The following ITGA9 variants were observed in gnomAD, a reference collection of about 807,000 sequenced individuals.
The protein encoded by ITGA9 is integrin subunit alpha 9.
ITGA9 carries 56 observed loss-of-function variants against 127.8 expected under a neutral mutation model. The ratio of observed to expected loss-of-function variants is 0.44; its 90% CI spans 0.35 to 0.55. ITGA9 has a LOEUF of 0.55. Among genes scored for constraint, ITGA9 ranks in the 20% least tolerant of loss-of-function variants. The pLI, the probability that ITGA9 is intolerant of heterozygous loss-of-function variation, is 0.00. For missense variants in ITGA9, 1,196 were observed against 1,347.1 expected (o/e 0.89, Z 1.76); for synonymous variants, 508 against 514.5 (o/e 0.99, Z 0.17).
chr3:37,719,409 AG>A (rs1231021000), intron 18 of ITGA9, among the ~76,000 whole-genome samples: 1 of 152,136 alleles, frequency 6.6e-6, no homozygotes, highest in East Asian at 1.9e-4. Context: ...AGGTCCTCTC[AG>A]GCCCCATCCC....
At chr3:37,460,587 C>CTT (rs10711884) in intron 1 of ITGA9, among the ~76,000 whole-genome samples, 62 of 110,824 alleles carry the variant, frequency 5.6e-4, no homozygotes, top group Non-Finnish European at 8.0e-4. Flanking sequence ...GTGCCCAAAT[C>CTT]TTTTTTTTTT....
At chr3:37,540,680 T>C (rs1008782736) in intron 14 of ITGA9, among the ~76,000 whole-genome samples, 1 of 152,180 alleles carries the variant, frequency 6.6e-6, no homozygotes, top group Non-Finnish European at 1.5e-5. Context: ...AATGAAGGTT[T>C]TTGAGCTTAG....
At chr3:37,708,527 C>T (rs988276153) in intron 18 of ITGA9, among the ~76,000 whole-genome samples, 2 of 151,880 alleles carry the variant, frequency 1.3e-5, no homozygotes, top group East Asian at 1.9e-4. Context: ...CCCAGTGGTT[C>T]TCAACCAAGG....
chr3:37,524,144 T>C (rs1456751650), intron 12 of ITGA9, among the ~76,000 whole-genome samples: 1 of 152,174 alleles, frequency 6.6e-6, no homozygotes, highest in Non-Finnish European at 1.5e-5. Flanking sequence ...CCTGTGGTGG[T>C]TGTGGCTAAC....
At chr3:37,578,506 GTTCC>G (rs1357683042) in intron 15 of ITGA9, among the ~76,000 whole-genome samples, 1 of 152,184 alleles carries the variant, frequency 6.6e-6, no homozygotes, top group Non-Finnish European at 1.5e-5. Flanking sequence ...CCCTTAGGGA[GTTCC>G]TTCCTTTCAC....
intron 23 of ITGA9, among the ~76,000 whole-genome samples, chr3:37,755,063 C>T (rs1226943097): frequency 6.6e-6 from 1 of 151,968 alleles, no homozygotes; most frequent in Non-Finnish European, 1.5e-5. Context: ...AATAACTGAC[C>T]CCCCCAAAAA....
Position 37,666,717 on chromosome 3 carries a change from C to G in ITGA9, c.1916+12927C>G, listed in dbSNP as rs532113177. 1.6e-4 allele frequency among the ~76,000 whole-genome samples: 25 copies of G among 152,308 alleles called. No homozygotes were observed. The South Asian group carries it at 5.0e-3, about 30-fold the overall frequency. ...ATTCTGTTGATCAAAGCAAATGTCA[C>G]AGGGTCGCATGGAAATAAACTCTGC... On this transcript the variant is annotated intron_variant, in intron 17 of 27. Coordinates refer to ENST00000264741, the MANE Select transcript of ITGA9 (RefSeq NM_002207.3).
At position 37,780,888 on chromosome 3, in the gene ITGA9, G is replaced by A. The variant is rs536404661; in HGVS notation, c.2787+867G>A. Among the ~76,000 whole-genome samples the A allele has an allele frequency of 1.2e-4, 19 of 152,244 alleles. No individual in the cohort carries two copies. In the East Asian group the frequency reaches 3.3e-3, roughly 26 times the overall value. ...TAGTAATAGTCTGGCTGCCCCTTTT[G>A]AAACTTTTCCAGCAAGTGCCATTGG... On this transcript the variant is annotated intron_variant, in intron 25 of 27. Coordinates refer to ENST00000264741, the MANE Select transcript of ITGA9 (RefSeq NM_002207.3).
At chr3:37,584,169 G>A (rs569716219) in intron 15 of ITGA9, among the ~76,000 whole-genome samples, 3 of 152,224 alleles carry the variant, frequency 2.0e-5, no homozygotes, top group South Asian at 2.1e-4. Context: ...AGGTCTGCAC[G>A]TTGGCTGGGG....
intron 20 of ITGA9, among the ~76,000 whole-genome samples, chr3:37,738,407 CCTTCT>C: frequency 6.6e-6 from 1 of 152,274 alleles, no homozygotes; most frequent in South Asian, 2.1e-4. Context: ...GATTCGTGCA[CCTTCT>C]CAGAAGAAGG....
intron 22 of ITGA9, chr3:37,748,194 C>T: frequency 2.2e-6 from 1 of 450,666 alleles, no homozygotes; most frequent in East Asian, 5.6e-5. Context: ...TTTTTTTGGC[C>T]ACGTGTATGC....
chr3:37,505,734 C>T (rs957841667), intron 6 of ITGA9, among the ~76,000 whole-genome samples: 2 of 152,090 alleles, frequency 1.3e-5, no homozygotes, highest in Non-Finnish European at 2.9e-5. Flanking sequence ...AAGAAGAAAA[C>T]AGATATATAG....
chr3:37,542,029 A>T (rs1328179997), intron 14 of ITGA9, among the ~76,000 whole-genome samples: 2 of 152,218 alleles, frequency 1.3e-5, no homozygotes, highest in African/African-American at 4.8e-5. Flanking sequence ...CAAAGCCTTG[A>T]TAATTTCAGC....
chr3:37,464,818 T>C (rs747194096), intron 1 of ITGA9, among the ~76,000 whole-genome samples: 11 of 152,214 alleles, frequency 7.2e-5, no homozygotes, highest in Non-Finnish European at 1.0e-4. Flanking sequence ...CATGGCTCCA[T>C]TGGGCAAGCA....
chr3:37,682,976 T>G (rs1700747764), intron 17 of ITGA9, among the ~76,000 whole-genome samples: 1 of 152,280 alleles, frequency 6.6e-6, no homozygotes, highest in Admixed American at 6.5e-5. Flanking sequence ...GTTCACATCA[T>G]AGCCAATGCG....
chr3:37,616,079 C>A (rs1014104406), intron 15 of ITGA9, among the ~76,000 whole-genome samples: 1 of 152,180 alleles, frequency 6.6e-6, no homozygotes, highest in Non-Finnish European at 1.5e-5. Flanking sequence ...TTAGATCTTT[C>A]CTGCTTTCTC....
intron 18 of ITGA9, among the ~76,000 whole-genome samples, chr3:37,718,795 C>T (rs1162478367): frequency 1.3e-5 from 2 of 152,232 alleles, no homozygotes; most frequent in East Asian, 3.9e-4. Context: ...AATTCTGCGG[C>T]CACACAGAGG....
chr3:37,527,029 GC>G (rs1699100446), intron 13 of ITGA9, among the ~76,000 whole-genome samples: 1 of 152,236 alleles, frequency 6.6e-6, no homozygotes, highest in African/African-American at 2.4e-5. Context: ...GAACTCAGGG[GC>G]CAGGTGGCCG....
At chr3:37,640,244 C>G (rs1355222424) in intron 16 of ITGA9, among the ~76,000 whole-genome samples, 1 of 152,148 alleles carries the variant, frequency 6.6e-6, no homozygotes, top group Non-Finnish European at 1.5e-5. Context: ...CCAATCTAGT[C>G]ACACGAGCCC....
Sources: allele counts gnomAD v4.1 joint callset (sites outside exome capture counted in the v4.1 genomes callset), GRCh38; gene constraint gnomAD v4.1.1; transcripts MANE v1.5; gene names NCBI Gene and HGNC (gene_info 2026-07-23, HGNC 2026-07-21).